GADL1: variants seen among roughly 807,000 people sequenced by gnomAD.
GADL1 encodes acidic amino acid decarboxylase GADL1.
Under a neutral mutation model 69.5 loss-of-function variants are expected in GADL1, and 71 were observed. The ratio of observed to expected loss-of-function variants is 1.02; its 90% CI spans 0.84 to 1.25. The LOEUF is 1.25. Among genes scored for constraint, GADL1 ranks in the 50% most tolerant of loss-of-function variants. GADL1 has a pLI of 0.00. For synonymous variants in GADL1, 254 were observed against 214.4 expected (o/e 1.18, Z -1.62); for missense variants, 737 against 631.8 (o/e 1.17, Z -1.79).
intron 14 of GADL1, among the ~76,000 whole-genome samples, chr3:30,733,039 TA>T (rs372812821): frequency 6.6e-6 from 1 of 151,888 alleles, no homozygotes; most frequent in Admixed American, 6.6e-5. Context: ...GACTCTGTCT[TA>T]AAAAAAAGTA....
At chr3:30,799,296 C>A (rs1697113373) in intron 12 of GADL1, 1 of 152,356 alleles carries the variant, frequency 6.6e-6, no homozygotes, top group Non-Finnish European at 1.5e-5. Context: ...GTTCCCAAAC[C>A]TCAATTCTTG....
intron 11 of GADL1, among the ~76,000 whole-genome samples, chr3:30,812,413 A>G (rs1460506599): frequency 2.0e-5 from 3 of 152,230 alleles, no homozygotes; most frequent in Non-Finnish European, 2.9e-5. Flanking sequence ...CCTCATAATC[A>G]TGGTGGAAGG....
At chr3:30,873,672 T>A (rs1186254504) in intron 1 of GADL1, among the ~76,000 whole-genome samples, 1 of 152,032 alleles carries the variant, frequency 6.6e-6, no homozygotes, top group Admixed American at 6.6e-5. Flanking sequence ...TACAGGACTT[T>A]AAATGAATTC....
chr3:30,825,957 TTAA>T (rs894911958), intron 11 of GADL1, among the ~76,000 whole-genome samples: 6 of 151,842 alleles, frequency 4.0e-5, no homozygotes, highest in African/African-American at 9.7e-5. Flanking sequence ...TTGCCGTGAG[TTAA>T]TAATAAAATA....
intron 13 of GADL1, among the ~76,000 whole-genome samples, chr3:30,783,012 ATAAT>A (rs1696702572): frequency 1.3e-5 from 2 of 152,232 alleles, no homozygotes; most frequent in South Asian, 4.1e-4. Flanking sequence ...TAGAACATGA[ATAAT>A]TAGAGCTATC....
At chr3:30,834,330 GT>G in intron 9 of GADL1, 49 bp from the exon 10 acceptor site, 1 of 1,483,060 alleles carries the variant, frequency 6.7e-7, no homozygotes, top group Non-Finnish European at 9.4e-7. Context: ...AATGTTATTT[GT>G]TTACCAGTGG....
In GADL1 at chr3:30,763,929, TTGA is replaced by T. The variant is rs201791491; in HGVS notation, c.1392+14247_1392+14249del. Among the ~76,000 whole-genome samples the T allele has an allele frequency of 2.5e-4, 38 of 152,236 alleles. No homozygotes were observed. The East Asian group carries it at 4.1e-3, about 16-fold the overall frequency. ...TTGAAAAATGATTTTATAAATTCTC[TTGA>T]TAATAAAAAGGAAAAAATCTTCCCA... On this transcript the variant is annotated intron_variant, in intron 14 of 14. Coordinates refer to ENST00000282538, the MANE Select transcript of GADL1 (RefSeq NM_207359.3).
chr3:30,795,995 T>A (rs1697024854), intron 12 of GADL1, among the ~76,000 whole-genome samples: 1 of 152,364 alleles, frequency 6.6e-6, no homozygotes, highest in South Asian at 2.1e-4. Flanking sequence ...AAACAATAAG[T>A]GTTTGTTGAA....
chr3:30,889,516 A>G (rs1029128914), intron 1 of GADL1, among the ~76,000 whole-genome samples: 1 of 152,252 alleles, frequency 6.6e-6, no homozygotes, highest in African/African-American at 2.4e-5. Context: ...AGCAAAAGCC[A>G]AAAGCAGAAA....
intron 14 of GADL1, among the ~76,000 whole-genome samples, chr3:30,762,070 C>T (rs1696149893): frequency 6.6e-6 from 1 of 152,138 alleles, no homozygotes; most frequent in African/African-American, 2.4e-5. Context: ...AGACAGTCTA[C>T]ATCACCAAAT....
At position 30,728,223 on chromosome 3, in the gene GADL1, T is replaced by C. The variant is rs772904635; in HGVS notation, c.*19A>G. The C allele has an allele frequency of 1.3e-5, 21 of 1,609,612 alleles. No homozygotes were observed. The East Asian group carries it at 4.2e-4, about 33-fold the overall frequency. ...TCTCCCAGGATAGGATCTATGCCTC[T>C]GGGGGACCAAAGCCACAGCTACATG... is the stretch of plus-strand genomic sequence containing the variant. On this transcript the variant is annotated 3_prime_UTR_variant, in exon 15 of 15. Coordinates refer to ENST00000282538, the MANE Select transcript of GADL1 (RefSeq NM_207359.3).
intron 1 of GADL1, among the ~76,000 whole-genome samples, chr3:30,888,424 G>A (rs561300693): frequency 2.6e-4 from 39 of 152,208 alleles, no homozygotes; most frequent in African/African-American, 8.4e-4. Context: ...GTGGAGTTGC[G>A]GAGACCCTCA....
At chr3:30,812,730 G>A (rs570263168) in intron 11 of GADL1, among the ~76,000 whole-genome samples, 3 of 152,264 alleles carry the variant, frequency 2.0e-5, no homozygotes, top group Admixed American at 6.5e-5. Flanking sequence ...TTGCTCACTT[G>A]GCTCTGATAG....
In GADL1 at chr3:30,860,996, G is replaced by C. The variant is rs563490459; in HGVS notation, c.210+597C>G. Among the ~76,000 whole-genome samples, 5 of 151,990 alleles carry C rather than the reference G, an allele frequency of 3.3e-5. 1 individual carries two copies. The South Asian group carries it at 8.3e-4, about 25-fold the overall frequency. ...CTTAGAACATAGTAAGTATTCTTAA[G>C]AGTAGATGTCATTAGCGGCGGTTCT... On this transcript the variant is annotated intron_variant, in intron 2 of 14. Transcript: ENST00000282538.
intron 14 of GADL1, among the ~76,000 whole-genome samples, chr3:30,769,656 C>T (rs959330864): frequency 1.4e-4 from 21 of 152,240 alleles, no homozygotes; most frequent in South Asian, 6.2e-4. Flanking sequence ...TCTTGGAATC[C>T]GGAAAGGAGA....
chr3:30,760,426 C>G (rs1696099351), intron 14 of GADL1, among the ~76,000 whole-genome samples: 1 of 152,120 alleles, frequency 6.6e-6, no homozygotes. Flanking sequence ...CTGTCCAACC[C>G]TGAACTTGTC....
intron 14 of GADL1, among the ~76,000 whole-genome samples, chr3:30,747,517 C>T (rs1695725268): frequency 6.6e-6 from 1 of 152,200 alleles, no homozygotes; most frequent in Non-Finnish European, 1.5e-5. Flanking sequence ...TCTACCCATA[C>T]ATTTCTTTGG....
chr3:30,857,604 G>C (rs985057188), intron 2 of GADL1, among the ~76,000 whole-genome samples: 2 of 151,832 alleles, frequency 1.3e-5, no homozygotes, highest in Non-Finnish European at 2.9e-5. Flanking sequence ...GTGTGTACCC[G>C]GCCCTATGCA....
intron 14 of GADL1, among the ~76,000 whole-genome samples, chr3:30,776,551 C>T (rs939962423): frequency 2.0e-5 from 3 of 152,204 alleles, no homozygotes; most frequent in African/African-American, 7.2e-5. Flanking sequence ...TCCATCTCTC[C>T]ACATCTTTGC....
Sources: allele counts gnomAD v4.1 joint callset (sites outside exome capture counted in the v4.1 genomes callset), GRCh38; gene constraint gnomAD v4.1.1; transcripts MANE v1.5; gene names NCBI Gene and HGNC (gene_info 2026-07-23, HGNC 2026-07-21).